The following ZNF99 variants were observed in gnomAD, a reference collection of about 807,000 sequenced individuals.
ZNF99 encodes zinc finger protein ENSP00000375192.
A neutral mutation model predicts 12.8 loss-of-function variants in ZNF99; 8 were observed. The ratio of observed to expected loss-of-function variants is 0.62; its 90% CI spans 0.37 to 1.13. ZNF99 has a LOEUF of 1.13. Ranked by LOEUF, ZNF99 falls within the 50% of genes most tolerant of loss-of-function variation. The pLI, the probability that ZNF99 is intolerant of heterozygous loss-of-function variation, is 0.02. For synonymous variants in ZNF99, 318 were observed against 319.0 expected (o/e 1.00, Z 0.03); for missense variants, 1,007 against 1,006.2 (o/e 1.00, Z -0.01).
chr19:22,763,046 T>C (rs1599443502), intron 3 of ZNF99, among the ~76,000 whole-genome samples: 3 of 152,004 alleles, frequency 2.0e-5, no homozygotes, highest in South Asian at 2.1e-4. Context: ...TGAGGAGAAG[T>C]TGAAAGCATT....
chr19:22,759,628 G>T lies in ZNF99; in HGVS notation c.281C>A (p.Ser94Tyr), dbSNP rs915251542. The change falls in exon 4 of 4, where the codon TCT (serine) becomes TAT (tyrosine). Residue 94 changes from serine to tyrosine, a missense_variant. Ser to Tyr is a moderately radical substitution (Grantham distance 144). Coordinates refer to ENST00000596209, the MANE Select transcript of ZNF99 (RefSeq NM_001080409.3). ...DFWPDQSIKD[S>Y]FQEIILRTYA... ...TGTTCTCAATATTATTTCTTGGAAA[G>T]AATCTTTTATGCTCTGATCTGGCCA... 2 of 1,594,244 alleles carry T rather than the reference G, an allele frequency of 1.3e-6. No homozygotes were observed. Among genetic ancestry groups the T allele is most frequent in the African/African-American group, 2.7e-5 (2 of 73,716 alleles).
chr19:22,781,855 A>G (rs1447447335), intron 1 of ZNF99, among the ~76,000 whole-genome samples: 1 of 152,206 alleles, frequency 6.6e-6, no homozygotes, highest in African/African-American at 2.4e-5. Flanking sequence ...GACCAGGGAA[A>G]AAACTGAAGA....
In ZNF99 at chr19:22,756,980, A is replaced by G; in HGVS notation, c.*334T>C. 3 of 1,611,656 alleles carry G rather than the reference A, an allele frequency of 1.9e-6. No individual in the cohort carries two copies. Among genetic ancestry groups the G allele is most frequent in the Middle Eastern group, 1.7e-4 (1 of 6,040 alleles). On this transcript the variant is annotated 3_prime_UTR_variant, in exon 4 of 4. Coordinates refer to ENST00000596209, the MANE Select transcript of ZNF99 (RefSeq NM_001080409.3). ...GTATGGTTTCTCCCCAGTATGAATT[A>G]TCTTATGTTTCCTAAGGGCTGAGAA...
intron 1 of ZNF99, among the ~76,000 whole-genome samples, chr19:22,775,236 TAG>T (rs1330661446): frequency 1.3e-5 from 2 of 151,998 alleles, no homozygotes; most frequent in Non-Finnish European, 2.9e-5. Context: ...TGCAACAGAA[TAG>T]AGAGCCCAGA....
chr19:22,781,625 G>T (rs1437522873), intron 1 of ZNF99, among the ~76,000 whole-genome samples: 1 of 152,036 alleles, frequency 6.6e-6, no homozygotes, highest in African/African-American at 2.4e-5. Context: ...GTTGGGTGAA[G>T]ACAATCTTAA....
chr19:22,757,525 C>A lies in ZNF99; in HGVS notation c.2384G>T (p.Gly795Val), dbSNP rs371851721. The part of the protein sequence containing the change: ...GKKPYKCEEC[G>V]KAFNNSSTLR... The stretch of plus-strand genomic sequence containing the variant: ...GGTTGAGGAATTGTTAAAAGCTTTG[C>A]CACATTCTTCACATTTATAGGGTTT... The change falls in exon 4 of 4, where the codon GGC becomes GTC. Residue 795 changes from glycine to valine, a missense_variant. Transcript: ENST00000596209. The A allele has an allele frequency of 6.2e-7, 1 of 1,610,504 alleles. No homozygotes were observed. The highest frequency in any genetic ancestry group is 8.5e-7 in the Non-Finnish European group (1 of 1,179,528).
chr19:22,783,158 T>C (rs1232593322), intron 1 of ZNF99, among the ~76,000 whole-genome samples: 1 of 151,844 alleles, frequency 6.6e-6, no homozygotes, highest in East Asian at 2.0e-4. Context: ...CGGATGCCTG[T>C]AATCCCAGCT....
At position 22,756,389 on chromosome 19, in the gene ZNF99, G is replaced by A. The variant is rs370575756; in HGVS notation, c.*925C>T. On this transcript the variant is annotated 3_prime_UTR_variant, in exon 4 of 4. Transcript: ENST00000596209. ...TTCACATTTGTAGGGTTTCTCTCCA[G>A]AATGAATTATCTTATGTTTAGTAAG... 1.8e-4 allele frequency: 284 copies of A among 1,590,392 alleles called. 8 individuals are homozygous for A. Among genetic ancestry groups the A allele is most frequent in the Non-Finnish European group, 2.4e-4 (275 of 1,170,084 alleles).
chr19:22,769,265 C>G lies in ZNF99; in HGVS notation c.63G>C (p.Leu21=), dbSNP rs185470840. Residue 21 remains leucine, a synonymous_variant, in exon 2 of 4, where the codon CTG becomes CTC. Coordinates refer to ENST00000596209, the MANE Select transcript of ZNF99 (RefSeq NM_001080409.3). ...IEFALEEWQC[L]DMAQQNLYRN... is the part of the protein sequence containing the mutation. Reference sequence around the variant, plus strand: ...TATATAAATTCTGCTGAGCCATGTCCAGGCATTGCCACTCCTCCAGAGCGA... The same window carrying G: ...TATATAAATTCTGCTGAGCCATGTCGAGGCATTGCCACTCCTCCAGAGCGA... 31 of 1,610,236 alleles carry G rather than the reference C, an allele frequency of 1.9e-5. No individual in the cohort carries two copies. Among genetic ancestry groups the G allele is most frequent in the Non-Finnish European group, 2.5e-5 (29 of 1,177,984 alleles).
chr19:22,758,525 A>G lies in ZNF99; in HGVS notation c.1384T>C (p.Phe462Leu), dbSNP rs1164811718. 6.2e-7 allele frequency: 1 copy of G among 1,612,620 alleles called. No individual in the cohort carries two copies. The highest frequency in any genetic ancestry group is 2.2e-5 in the East Asian group (1 of 44,806). ...PYKCEECSKA[F>L]SNFSALRKHE... ...TTTCTAAGGGCTGAAAAATTGCTAA[A>G]AGCTTTGCTGCATTCTTCACATTTG... Residue 462 changes from phenylalanine (F) to leucine (L), a missense_variant, in exon 4 of 4, where the codon TTT becomes CTT. Coordinates refer to ENST00000596209, the MANE Select transcript of ZNF99 (RefSeq NM_001080409.3).
intron 1 of ZNF99, among the ~76,000 whole-genome samples, chr19:22,781,975 A>AT (rs1973392860): frequency 6.6e-6 from 1 of 151,896 alleles, no homozygotes; most frequent in Admixed American, 6.6e-5. Context: ...CGGCACAAAG[A>AT]TTTTTTACAA....
chr19:22,755,230 T>A lies in ZNF99; in HGVS notation c.*2084A>T. The stretch of plus-strand genomic sequence containing the variant: ...GTAGGGTTTTTCTCCAGTACGAATT[T>A]TCTTATGTCTAATAAAGTTTAACTG... On this transcript the variant is annotated 3_prime_UTR_variant, in exon 4 of 4. Transcript: ENST00000596209. The A allele has an allele frequency of 3.7e-6, 1 of 271,276 alleles. No individual in the cohort carries two copies. Among genetic ancestry groups the A allele is most frequent in the Non-Finnish European group, 7.5e-6 (1 of 133,598 alleles). The allele number at this position is 271,276 out of a possible 1,614,324, so 16.8% of individuals were successfully genotyped here.
intron 3 of ZNF99, among the ~76,000 whole-genome samples, chr19:22,762,445 T>TA (rs1253484114): frequency 6.6e-6 from 1 of 152,070 alleles, no homozygotes; most frequent in Non-Finnish European, 1.5e-5. Flanking sequence ...CAGGAAGAAT[T>TA]AGATACCCTG....
At chr19:22,763,594 A>G (rs1338522134) in intron 3 of ZNF99, among the ~76,000 whole-genome samples, 4 of 152,146 alleles carry the variant, frequency 2.6e-5, no homozygotes, top group African/African-American at 9.7e-5. Flanking sequence ...CCATCAAAAT[A>G]CCACCGTCAT....
intron 1 of ZNF99, among the ~76,000 whole-genome samples, chr19:22,775,778 A>G (rs1973318932): frequency 6.6e-6 from 1 of 152,200 alleles, no homozygotes; most frequent in South Asian, 2.1e-4. Flanking sequence ...TAATCCCAGC[A>G]CTCTGGGAGG....
intron 3 of ZNF99, among the ~76,000 whole-genome samples, chr19:22,764,593 A>G (rs1973184799): frequency 6.6e-6 from 1 of 152,244 alleles, no homozygotes; most frequent in South Asian, 2.1e-4. Context: ...ACACCTGACA[A>G]AGAAGTAATA....
chr19:22,772,677 C>CAA (rs554077499), intron 1 of ZNF99, among the ~76,000 whole-genome samples: 11 of 112,916 alleles, frequency 9.7e-5, no homozygotes, highest in Non-Finnish European at 1.5e-4. Context: ...AATTCTGTCT[C>CAA]AAAAAAAAAA....
At chr19:22,776,538 A>C (rs1227067130) in intron 1 of ZNF99, among the ~76,000 whole-genome samples, 2 of 150,010 alleles carry the variant, frequency 1.3e-5, no homozygotes, top group Non-Finnish European at 3.0e-5. Context: ...ATACCATCTC[A>C]TATCAGTCAA....
At position 22,756,436 on chromosome 19, in the gene ZNF99, CCA is replaced by C. The variant is rs772054443; in HGVS notation, c.*876_*877del. On this transcript the variant is annotated 3_prime_UTR_variant, in exon 4 of 4. Coordinates refer to ENST00000596209, the MANE Select transcript of ZNF99 (RefSeq NM_001080409.3). ...TAAGGTTTGAGGACTAAATGCTTTA[CCA>C]CACTCTTCACATTTGTAGGGTTTCT... 1 of 1,571,452 alleles carries C rather than the reference CCA, an allele frequency of 6.4e-7. No individual in the cohort carries two copies. The highest frequency in any genetic ancestry group is 8.6e-7 in the Non-Finnish European group (1 of 1,159,346).
Sources: allele counts gnomAD v4.1 joint callset (sites outside exome capture counted in the v4.1 genomes callset), GRCh38; gene constraint gnomAD v4.1.1; transcripts MANE v1.5; gene names NCBI Gene and HGNC (gene_info 2026-07-23, HGNC 2026-07-21).